Variants in PTP4A1 observed in about 807,000 individuals in gnomAD.
PTP4A1 encodes protein tyrosine phosphatase type IVA 1.
In PTP4A1, 9 loss-of-function variants were observed where a neutral mutation model predicts 20.5. The ratio of observed to expected loss-of-function variants is 0.44; its 90% CI spans 0.26 to 0.77. The LOEUF (loss-of-function observed/expected upper bound fraction) is 0.77, where lower values mean the gene tolerates loss of function less well. Among genes scored for constraint, PTP4A1 ranks in the 30% least tolerant of loss-of-function variants. PTP4A1 has a pLI of 0.19. For missense variants in PTP4A1, 137 were observed against 218.8 expected, an observed-to-expected ratio of 0.63 and a Z score of 2.36; for synonymous variants, 78 against 67.4, an observed-to-expected ratio of 1.16 and a Z score of -0.77.
chr6:63,574,468 T>C (rs1777718810), intron 1 of PTP4A1, among the ~76,000 whole-genome samples: 1 of 152,260 alleles, frequency 6.6e-6, no homozygotes, highest in Middle Eastern at 3.4e-3. Flanking sequence ...CCACCACTGC[T>C]TTAACAGACG....
At chr6:63,525,614 T>A (rs1775127166) in intron 1 of PTP4A1, among the ~76,000 whole-genome samples, 1 of 152,202 alleles carries the variant, frequency 6.6e-6, no homozygotes, top group Admixed American at 6.6e-5. Flanking sequence ...ACCAGTGCCA[T>A]CCAGGCAGCT....
intron 2 of PTP4A1, chr6:63,549,028 C>T (rs920063115): frequency 1.6e-5 from 12 of 727,326 alleles, no homozygotes; most frequent in African/African-American, 3.4e-5. Flanking sequence ...ATGGGATCCA[C>T]GTCGTGTGCA....
rs576843184 is a variant in PTP4A1 at position 63,546,428 on chromosome 6, G to A, written c.-639-3872G>A. 1.4e-3 allele frequency among the ~76,000 whole-genome samples: 211 copies of A among 152,312 alleles called. 1 individual carries two copies. The highest frequency in any genetic ancestry group is 3.3e-3 in the Admixed American group (51 of 15,298). ...TGTTTAAAGAGTACAACATTTGGCC[G>A]GGTGCGGTGGCTCACGCATGTAATC... On this transcript the variant is annotated intron_variant, in intron 2 of 3. Transcript: ENST00000639568.
chr6:63,562,714 A>G (rs951048159), intron 3 of PTP4A1, among the ~76,000 whole-genome samples: 2 of 152,212 alleles, frequency 1.3e-5, no homozygotes, highest in African/African-American at 2.4e-5. Flanking sequence ...ATCTATCAAG[A>G]GTTTAATTGT....
intron 1 of PTP4A1, among the ~76,000 whole-genome samples, chr6:63,522,291 AT>A (rs576834682): frequency 3.4e-4 from 52 of 152,228 alleles, no homozygotes; most frequent in Non-Finnish European, 6.2e-4. Flanking sequence ...AATTATTTGT[AT>A]AGTTATAAAG....
chr6:63,553,653 A>C (rs1776544064), intron 3 of PTP4A1, among the ~76,000 whole-genome samples: 1 of 152,168 alleles, frequency 6.6e-6, no homozygotes, highest in Non-Finnish European at 1.5e-5. Context: ...CCTGGTAAAG[A>C]ATTGATTGCA....
intron 2 of PTP4A1, among the ~76,000 whole-genome samples, chr6:63,539,465 C>T (rs138569590): frequency 3.3e-5 from 5 of 152,140 alleles, no homozygotes; most frequent in Non-Finnish European, 2.9e-5. Context: ...CAACAAGGAA[C>T]AGGAAATCTA....
chr6:63,525,692 C>A (rs578168369), intron 1 of PTP4A1, among the ~76,000 whole-genome samples: 7 of 152,328 alleles, frequency 4.6e-5, no homozygotes, highest in African/African-American at 1.7e-4. Flanking sequence ...ACAACCCCAA[C>A]CTTTCACCTT....
upstream of PTP4A1, among the ~76,000 whole-genome samples, chr6:63,518,699 T>A (rs949866016): frequency 3.9e-5 from 6 of 152,230 alleles, no homozygotes; most frequent in Non-Finnish European, 8.8e-5. Context: ...GCCTTCACAG[T>A]GTACTAACAA....
At chr6:63,572,803 C>T (rs911217466) in intron 1 of PTP4A1, 84 bp downstream of exon 1, 1 of 397,336 alleles carries the variant, frequency 2.5e-6, no homozygotes, top group Non-Finnish European at 4.4e-6. Context: ...GTTCGGAGCC[C>T]GGCGTCTCCT....
At chr6:63,518,148 C>T (rs545521513), upstream of PTP4A1, among the ~76,000 whole-genome samples, 18 of 137,972 alleles carry the variant, frequency 1.3e-4, no homozygotes, top group African/African-American at 2.6e-4. Flanking sequence ...AGTGAGACTC[C>T]GTCTCCAAAA....
At chr6:63,534,379 A>G (rs1254670975) in intron 2 of PTP4A1, among the ~76,000 whole-genome samples, 2 of 151,962 alleles carry the variant, frequency 1.3e-5, no homozygotes, top group African/African-American at 4.8e-5. Context: ...TTGAATACAG[A>G]ACTAGTAAAC....
chr6:63,545,651 C>T (rs901315254), intron 2 of PTP4A1, among the ~76,000 whole-genome samples: 2 of 151,858 alleles, frequency 1.3e-5, no homozygotes, highest in African/African-American at 4.8e-5. Flanking sequence ...CCAATCTTAC[C>T]TTGTACTTTT....
At chr6:63,562,742 A>G (rs772839039) in intron 3 of PTP4A1, among the ~76,000 whole-genome samples, 55 of 152,208 alleles carry the variant, frequency 3.6e-4, no homozygotes, top group Non-Finnish European at 6.2e-4. Context: ...ATACCTAAAT[A>G]TACAACTTTT....
chr6:63,572,318 A>C, upstream of PTP4A1: 1 of 228,486 alleles, frequency 4.4e-6, no homozygotes, highest in Non-Finnish European at 8.5e-6. Flanking sequence ...GCCATTCATC[A>C]ACCGGTTCAC....
intron 2 of PTP4A1, among the ~76,000 whole-genome samples, chr6:63,529,158 T>TGTGTGTATATATATATATGTATATATAC (rs1358863801): frequency 2.9e-5 from 3 of 101,806 alleles, no homozygotes; most frequent in African/African-American, 1.5e-4. Context: ...TGTATATATA[T>TGTGTGTATATATATATATGTATATATAC]GTGTGTATAT....
At chr6:63,561,551 GATAAA>G (rs2149496182) in intron 3 of PTP4A1, among the ~76,000 whole-genome samples, 1 of 152,216 alleles carries the variant, frequency 6.6e-6, no homozygotes, top group South Asian at 2.1e-4. Flanking sequence ...CCTCTGGGCA[GATAAA>G]ATAAAATTGA....
chr6:63,517,780 A>G (rs1403348078), upstream of PTP4A1, among the ~76,000 whole-genome samples: 1 of 152,206 alleles, frequency 6.6e-6, no homozygotes, highest in Non-Finnish European at 1.5e-5. Context: ...GCTTCCAAAC[A>G]CAGACTATGT....
upstream of PTP4A1, among the ~76,000 whole-genome samples, chr6:63,569,175 C>A (rs1008644259): frequency 2.6e-5 from 4 of 152,170 alleles, no homozygotes; most frequent in Middle Eastern, 3.2e-3. Flanking sequence ...GAAGATTTCT[C>A]TGTTCTTCTT....
Sources: gnomAD v4.1 joint callset for allele counts (sites outside exome capture counted in the v4.1 genomes callset) on GRCh38, gnomAD v4.1.1 for gene constraint, MANE v1.5 for transcripts, NCBI Gene and HGNC (gene_info 2026-07-23, HGNC 2026-07-21) for gene names.